Variants in SHROOM3 observed in about 807,000 individuals in gnomAD.
SHROOM3 encodes the protein shroom family member 3.
In SHROOM3, 47 loss-of-function variants were observed where a neutral mutation model predicts 138.6. The observed-to-expected ratio is 0.34, with a 90% CI of 0.27 to 0.43. The LOEUF (loss-of-function observed/expected upper bound fraction) is 0.43. Among genes scored for constraint, SHROOM3 ranks in the 20% least tolerant of loss-of-function variants. SHROOM3 has a pLI of 1.00. For missense variants in SHROOM3, 2,491 were observed against 2,596.5 expected (o/e 0.96, Z 0.88); for synonymous variants, 1,062 against 1,063.3 (o/e 1.00, Z 0.02).
intron 1 of SHROOM3, among the ~76,000 whole-genome samples, chr4:76,477,809 G>A (rs1474057762): frequency 3.3e-5 from 5 of 152,170 alleles, no homozygotes; most frequent in Admixed American, 3.3e-4. Context: ...TAGACAGTGG[G>A]TGCAGCCCAT....
chr4:76,530,802 C>G (rs1027704914), intron 1 of SHROOM3, among the ~76,000 whole-genome samples: 10 of 152,260 alleles, frequency 6.6e-5, no homozygotes, highest in Admixed American at 4.6e-4. Flanking sequence ...AGAAGAGAAG[C>G]CTGTGCCTCC....
At chr4:76,643,960 T>G (rs1030445273) in intron 2 of SHROOM3, among the ~76,000 whole-genome samples, 13 of 151,862 alleles carry the variant, frequency 8.6e-5, no homozygotes, top group African/African-American at 3.1e-4. Flanking sequence ...TTCTCCTGCC[T>G]CGGCCTCCAA....
intron 2 of SHROOM3, among the ~76,000 whole-genome samples, chr4:76,669,728 T>C (rs1033644152): frequency 7.9e-5 from 12 of 152,228 alleles, no homozygotes; most frequent in African/African-American, 2.9e-4. Context: ...TGTGGGATGT[T>C]ACATGAATTT....
At chr4:76,588,646 T>C (rs1044511197) in intron 2 of SHROOM3, among the ~76,000 whole-genome samples, 1 of 152,048 alleles carries the variant, frequency 6.6e-6, no homozygotes, top group Non-Finnish European at 1.5e-5. Flanking sequence ...TTTCCTGGGG[T>C]TGGGGAGGCC....
chr4:76,748,954 C>A (rs2110140033), intron 5 of SHROOM3, 63 bp from the exon 6 acceptor site: 1 of 1,522,776 alleles, frequency 6.6e-7, no homozygotes, highest in South Asian at 1.1e-5. Context: ...TTACCTCCAC[C>A]CTCTTGGTAA....
chr4:76,778,515 C>A (rs1366360330), intron 10 of SHROOM3, among the ~76,000 whole-genome samples: 1 of 152,144 alleles, frequency 6.6e-6, no homozygotes, highest in Admixed American at 6.5e-5. Flanking sequence ...AGCCACCAAG[C>A]CCAGCTGATG....
At chr4:76,723,512 C>T (rs1720610747) in intron 3 of SHROOM3, among the ~76,000 whole-genome samples, 1 of 152,206 alleles carries the variant, frequency 6.6e-6, no homozygotes, top group Admixed American at 6.5e-5. Flanking sequence ...CCATCACACT[C>T]TCACATTACC....
intron 2 of SHROOM3, among the ~76,000 whole-genome samples, chr4:76,695,612 G>A (rs764795205): frequency 6.6e-6 from 1 of 152,180 alleles, no homozygotes; most frequent in South Asian, 2.1e-4. Context: ...TAATGAAGAC[G>A]AAGTCACCTT....
rs750388466 is a variant in SHROOM3 at position 76,740,256 on chromosome 4, T to C, written c.2083T>C (p.Cys695Arg). The C allele has an allele frequency of 1.9e-5, 31 of 1,613,254 alleles. No homozygotes were observed. Among genetic ancestry groups the C allele is most frequent in the Middle Eastern group, 1.6e-4 (1 of 6,062 alleles). The change falls in exon 5 of 11, where the codon TGT becomes CGT. Residue 695 changes from cysteine (C) to arginine (R), a missense_variant. This residue lies in a region of SHROOM3 where 1,733 missense variants were observed against 1,661.6 expected (regional missense o/e 1.04). Transcript: ENST00000296043. The surrounding 1 kb of genome is among the most constrained non-coding windows in gnomAD (Gnocchi z 4.0). The part of the protein sequence containing the change: ...QEGYPGGRPT[C>R]AVNTKAEDPG... Reference sequence around the variant, plus strand: ...GGGTTACCCCGGGGGCAGGCCCACCTGTGCAGTCAACACCAAGGCAGAAGA... The same window carrying C: ...GGGTTACCCCGGGGGCAGGCCCACCCGTGCAGTCAACACCAAGGCAGAAGA...
At chr4:76,646,225 A>AATAAATAAATAAATATATATAT (rs61374645) in intron 2 of SHROOM3, among the ~76,000 whole-genome samples, 20 of 96,232 alleles carry the variant, frequency 2.1e-4, no homozygotes, top group South Asian at 4.1e-4. Context: ...ATAATAAATA[A>AATAAATAAATAAATATATATAT]ATATATATAT....
At chr4:76,710,126 C>A in intron 2 of SHROOM3, 30 bp from the exon 3 acceptor site, 1 of 1,613,542 alleles carries the variant, frequency 6.2e-7, no homozygotes, top group Non-Finnish European at 8.5e-7. Context: ...CACCATCATG[C>A]TCAGCTTCTT....
Position 76,720,312 on chromosome 4 carries a change from T to G in SHROOM3, c.455+10025T>G, listed in dbSNP as rs1720503695. On this transcript the variant is annotated intron_variant, in intron 3 of 10. Coordinates refer to ENST00000296043, the MANE Select transcript of SHROOM3 (RefSeq NM_020859.4). ...GGAGTGTTGAAGGACAATGGCCACC[T>G]TTTTTCGTGTTTTGAAAGATTCTTG... Among the ~76,000 whole-genome samples the G allele has an allele frequency of 3.9e-5, 6 of 152,144 alleles. 1 individual carries two copies. The highest frequency in any genetic ancestry group is 9.6e-5 in the African/African-American group (4 of 41,530).
intron 2 of SHROOM3, among the ~76,000 whole-genome samples, chr4:76,700,747 A>T (rs1225715198): frequency 1.4e-5 from 2 of 140,496 alleles, no homozygotes; most frequent in Non-Finnish European, 3.1e-5. Context: ...TTTCAGCATG[A>T]AATATCTTTT....
intron 2 of SHROOM3, among the ~76,000 whole-genome samples, chr4:76,618,665 A>G (rs1375331246): frequency 3.3e-5 from 5 of 152,220 alleles, no homozygotes; most frequent in East Asian, 1.9e-4. Flanking sequence ...TTATGCCTCA[A>G]TATTTCAATG....
intron 3 of SHROOM3, chr4:76,716,351 T>C (rs1301744216): frequency 7.7e-6 from 4 of 518,912 alleles, no homozygotes; most frequent in African/African-American, 7.7e-5. Flanking sequence ...ATTCCACGAC[T>C]GAATATGACA....
chr4:76,566,937 GC>G (rs1733736813), intron 2 of SHROOM3, among the ~76,000 whole-genome samples: 1 of 152,236 alleles, frequency 6.6e-6, no homozygotes, highest in Non-Finnish European at 1.5e-5. Context: ...GCGTCTTTGT[GC>G]TTTTGCCAGT....
chr4:76,741,205 T>C lies in SHROOM3; in HGVS notation c.3032T>C (p.Leu1011Pro), dbSNP rs371533598. 1.4e-4 allele frequency: 220 copies of C among 1,605,744 alleles called. 2 individuals carry two copies. The South Asian group carries it at 2.2e-3, about 16-fold the overall frequency. ...PAARRGARRR[L>P]TPEQKKRSYS... is the part of the protein sequence containing the mutation. ...GCCCGGAGAGGTGCTCGCCGGCGCC[T>C]GACTCCCGAGCAGAAGAAGCGCTCC... The change falls in exon 5 of 11, where the codon CTG (leucine) becomes CCG (proline). Residue 1011 changes from leucine to proline, a missense_variant. Leu to Pro is a moderately conservative substitution (Grantham distance 98). Transcript: ENST00000296043. This position sits in a 1 kb window ranked among gnomAD's most constrained non-coding sequence, Gnocchi z 6.2.
intron 1 of SHROOM3, among the ~76,000 whole-genome samples, chr4:76,507,392 C>T (rs1022503261): frequency 6.6e-6 from 1 of 152,162 alleles, no homozygotes. Context: ...TTCTCTACAT[C>T]TTCACCAATA....
rs1432363807 is a variant in SHROOM3, at chr4:76,596,615, C to T, written c.323+40852C>T. On this transcript the variant is annotated intron_variant, in intron 2 of 10. Transcript: ENST00000296043. Reference sequence around the variant, plus strand: ...ACACACACACACACACACACACACACACACACACACTCTCCAACAGATGCT... The same window carrying T: ...ACACACACACACACACACACACACATACACACACACTCTCCAACAGATGCT... 5.4e-4 allele frequency among the ~76,000 whole-genome samples: 82 copies of T among 151,680 alleles called. 2 individuals are homozygous for T. The highest frequency in any genetic ancestry group is 2.6e-4 in the Non-Finnish European group (18 of 67,950).
Sources: gnomAD v4.1 joint callset for allele counts (sites outside exome capture counted in the v4.1 genomes callset) on GRCh38, gnomAD v4.1.1 for gene constraint, gnomAD v4.1.1 regional missense constraint, Gnocchi (gnomAD v3.1) non-coding constraint, MANE v1.5 for transcripts, NCBI Gene and HGNC (gene_info 2026-07-23, HGNC 2026-07-21) for gene names.